TFEC: variants seen among roughly 807,000 people sequenced by gnomAD.
TFEC encodes class E basic helix-loop-helix protein 34.
TFEC carries 31 observed loss-of-function variants against 41.6 expected under a neutral mutation model. That is an observed-to-expected ratio of 0.74 (90% CI 0.56 to 1.01). TFEC has a LOEUF of 1.01. TFEC is among the 50% of genes least tolerant of loss of function. The pLI is 0.00. For missense variants in TFEC, 402 were observed against 404.1 expected (o/e 0.99, Z 0.04); for synonymous variants, 143 against 140.6 (o/e 1.02, Z -0.12).
At chr7:116,001,859 A>C (rs959175665) in intron 1 of TFEC, among the ~76,000 whole-genome samples, 3 of 152,222 alleles carry the variant, frequency 2.0e-5, no homozygotes, top group Admixed American at 2.0e-4. Flanking sequence ...ATTTCTCAAA[A>C]GAAGACAAAC....
chr7:116,151,071 TAGTG>T (rs1474721146), intron 1 of TFEC, among the ~76,000 whole-genome samples: 1 of 152,142 alleles, frequency 6.6e-6, no homozygotes, highest in Middle Eastern at 3.2e-3. Flanking sequence ...GTGCACTGTT[TAGTG>T]AGTTTTTCTG....
chr7:115,979,939 C>T (rs1793551897), intron 2 of TFEC, among the ~76,000 whole-genome samples: 2 of 152,088 alleles, frequency 1.3e-5, no homozygotes, highest in African/African-American at 2.4e-5. Flanking sequence ...TAGCATGAAA[C>T]TTAACCTCAA....
At chr7:116,113,674 T>G (rs1048995585) in intron 1 of TFEC, among the ~76,000 whole-genome samples, 1 of 152,022 alleles carries the variant, frequency 6.6e-6, no homozygotes, top group Non-Finnish European at 1.5e-5. Context: ...ACTAAGATTC[T>G]TATAATGCGT....
intron 1 of TFEC, among the ~76,000 whole-genome samples, chr7:116,144,396 T>C (rs999205875): frequency 3.3e-5 from 5 of 152,218 alleles, no homozygotes; most frequent in Non-Finnish European, 5.9e-5. Context: ...TAAAATTTTA[T>C]AAGATTTGTG....
rs1798337459 is a variant in TFEC, at chr7:116,131,754, A to G, written c.-68-19716T>C. Among the ~76,000 whole-genome samples the G allele has an allele frequency of 1.3e-5, 2 of 152,162 alleles. 1 individual carries two copies. Among genetic ancestry groups the G allele is most frequent in the South Asian group, 4.1e-4 (2 of 4,828 alleles). On this transcript the variant is annotated intron_variant, in intron 1 of 8. Coordinates refer to the TFEC transcript ENST00000484212. The stretch of plus-strand genomic sequence containing the variant: ...ATCATCATCTCCACTCCCCTTAAAG[A>G]GTTTGCTAAGCAATGATAAAATTTA...
In TFEC at chr7:115,984,495, T is replaced by C; in HGVS notation, c.-54A>G. On this transcript the variant is annotated 5_prime_UTR_variant, in exon 2 of 8. Coordinates refer to ENST00000265440, the MANE Select transcript of TFEC (RefSeq NM_012252.4). ...TTCTGTAGCTGAGGCCTTGCAGAACTTTCCAGGTGTGCTGGGACCTACAAG... is the reference window on the plus strand; with the variant it reads ...TTCTGTAGCTGAGGCCTTGCAGAACCTTCCAGGTGTGCTGGGACCTACAAG... The C allele has an allele frequency of 6.2e-7, 1 of 1,613,942 alleles. No individual in the cohort carries two copies. Among genetic ancestry groups the C allele is most frequent in the Non-Finnish European group, 8.5e-7 (1 of 1,179,910 alleles).
At chr7:115,965,917 A>G (rs1346915054) in intron 3 of TFEC, among the ~76,000 whole-genome samples, 1 of 151,264 alleles carries the variant, frequency 6.6e-6, no homozygotes, top group South Asian at 2.1e-4. Flanking sequence ...TTTTTTTAAG[A>G]GCTATTTCTC....
chr7:115,942,093 T>A, intron 6 of TFEC, 53 bp from the exon 7 acceptor site: 1 of 1,511,476 alleles, frequency 6.6e-7, no homozygotes, highest in Non-Finnish European at 8.9e-7. Context: ...GCAGAATTCA[T>A]AAGAACTTAC....
intron 1 of TFEC, among the ~76,000 whole-genome samples, chr7:116,159,573 C>G (rs1438966275): frequency 6.6e-6 from 1 of 151,974 alleles, no homozygotes; most frequent in Non-Finnish European, 1.5e-5. Flanking sequence ...AGTGAATTCA[C>G]CAGTGAAGCA....
intron 3 of TFEC, among the ~76,000 whole-genome samples, chr7:116,066,176 C>T (rs1302478926): frequency 1.3e-5 from 2 of 152,100 alleles, no homozygotes; most frequent in East Asian, 1.9e-4. Flanking sequence ...TTTGTCATTA[C>T]CTGCTGCCAT....
chr7:116,131,665 T>A (rs1052488058), intron 1 of TFEC, among the ~76,000 whole-genome samples: 1 of 152,194 alleles, frequency 6.6e-6, no homozygotes, highest in African/African-American at 2.4e-5. Context: ...AACATTTTTT[T>A]CTAGCTAACA....
At chr7:116,149,303 TGC>T (rs776362949) in intron 1 of TFEC, among the ~76,000 whole-genome samples, 16 of 152,192 alleles carry the variant, frequency 1.1e-4, no homozygotes, top group Admixed American at 3.9e-4. Context: ...CATAACTAGA[TGC>T]TGGTGAGAGT....
At chr7:116,028,630 A>C (rs1427763342) in intron 1 of TFEC, among the ~76,000 whole-genome samples, 1 of 152,150 alleles carries the variant, frequency 6.6e-6, no homozygotes, top group African/African-American at 2.4e-5. Context: ...ATCTGCTATC[A>C]CTCCATATCA....
intron 1 of TFEC, among the ~76,000 whole-genome samples, chr7:116,012,867 A>T (rs1453840846): frequency 6.7e-6 from 1 of 149,000 alleles, no homozygotes; most frequent in East Asian, 1.9e-4. Context: ...AAATGGTCTT[A>T]TACTATCTTA....
At chr7:115,971,007 T>A (rs1279884349) in intron 3 of TFEC, among the ~76,000 whole-genome samples, 2 of 152,080 alleles carry the variant, frequency 1.3e-5, no homozygotes, top group Non-Finnish European at 2.9e-5. Context: ...AACATAATAA[T>A]AATTATTGGT....
At chr7:115,957,505 T>C (rs1008149735) in intron 3 of TFEC, among the ~76,000 whole-genome samples, 3 of 151,922 alleles carry the variant, frequency 2.0e-5, no homozygotes, top group East Asian at 3.9e-4. Flanking sequence ...TTATACACAA[T>C]TCAAAATTGC....
chr7:116,039,063 A>G (rs1252148759), intron 3 of TFEC, among the ~76,000 whole-genome samples: 1 of 152,060 alleles, frequency 6.6e-6, no homozygotes, highest in Non-Finnish European at 1.5e-5. Flanking sequence ...GTCCATGGTT[A>G]TGCCTCCTTC....
In TFEC at chr7:115,937,867, A is replaced by G. The variant is rs1348158019; in HGVS notation, c.*2684T>C. 3 of 151,868 alleles carry G rather than the reference A, an allele frequency of 2.0e-5. No homozygotes were observed. The highest frequency in any genetic ancestry group is 4.4e-5 in the Non-Finnish European group (3 of 67,824). The allele number at this position is 151,868 out of a possible 1,614,324, so 9.4% of individuals were successfully genotyped here. ...CATGTGAATTATTGTCCATATAAAC[A>G]GTTCTATACTTTTCTAGGGAGAGGG... On this transcript the variant is annotated 3_prime_UTR_variant, in exon 8 of 8. Transcript: ENST00000265440.
At chr7:116,084,795 GTAATTGTTTGAAGGCATCTT>G (rs900679112) in intron 3 of TFEC, among the ~76,000 whole-genome samples, 5 of 151,832 alleles carry the variant, frequency 3.3e-5, no homozygotes, top group African/African-American at 1.2e-4. Context: ...GTGGTATCCA[GTAATTGTTTGAAGGCATCTT>G]TTTCAGAGGT....
Sources: gnomAD v4.1 joint callset for allele counts (sites outside exome capture counted in the v4.1 genomes callset) on GRCh38, gnomAD v4.1.1 for gene constraint, MANE v1.5 for transcripts, NCBI Gene and HGNC (gene_info 2026-07-23, HGNC 2026-07-21) for gene names.